Variants in NREP observed in about 807,000 individuals in gnomAD.
NREP encodes the protein neuronal regeneration-related protein.
NREP carries 5 observed loss-of-function variants against 8.6 expected under a neutral mutation model. The observed-to-expected ratio is 0.58, with a 90% CI of 0.30 to 1.22. NREP has a LOEUF of 1.22. Among genes scored for constraint, NREP ranks in the 50% most tolerant of loss-of-function variants. NREP has a pLI of 0.07. For missense variants in NREP, 86 were observed against 82.5 expected, an observed-to-expected ratio of 1.04 and a Z score of -0.17; for synonymous variants, 27 against 28.0, an observed-to-expected ratio of 0.96 and a Z score of 0.11.
chr5:111,748,134 A>G (rs1290647047), intron 2 of NREP, among the ~76,000 whole-genome samples: 1 of 152,026 alleles, frequency 6.6e-6, no homozygotes, highest in South Asian at 2.1e-4. Flanking sequence ...GACCATACCA[A>G]CCTAGCTTTC....
intron 2 of NREP, among the ~76,000 whole-genome samples, chr5:111,930,362 T>C (rs1581228316): frequency 6.6e-6 from 1 of 152,162 alleles, no homozygotes; most frequent in Non-Finnish European, 1.5e-5. Context: ...CTCAAAGATA[T>C]AATGGTTTCT....
chr5:111,810,910 C>T (rs1719134046), intron 2 of NREP, among the ~76,000 whole-genome samples: 1 of 152,124 alleles, frequency 6.6e-6, no homozygotes, highest in Non-Finnish European at 1.5e-5. Context: ...ACAAGTACTA[C>T]ATACTTATTC....
intron 2 of NREP, among the ~76,000 whole-genome samples, chr5:111,746,006 T>G (rs1031461700): frequency 6.6e-6 from 1 of 152,166 alleles, no homozygotes; most frequent in Non-Finnish European, 1.5e-5. Context: ...GATCCTCATA[T>G]TGCAGGTAGA....
intron 2 of NREP, among the ~76,000 whole-genome samples, chr5:111,811,503 A>G (rs895891666): frequency 6.6e-6 from 1 of 152,102 alleles, no homozygotes; most frequent in Non-Finnish European, 1.5e-5. Context: ...TACACACTCA[A>G]AATATAACAC....
intron 1 of NREP, chr5:111,756,338 G>GA (rs1750710345): frequency 2.0e-6 from 1 of 504,282 alleles, no homozygotes; most frequent in African/African-American, 2.2e-5. Flanking sequence ...GGGGTGGGGG[G>GA]AGTCAGGAAT....
chr5:111,955,813 C>T (rs1252075485), intron 2 of NREP, among the ~76,000 whole-genome samples: 1 of 150,130 alleles, frequency 6.7e-6, no homozygotes, highest in African/African-American at 2.5e-5. Context: ...AGAGGCAGAG[C>T]ATGGGAGTAG....
At chr5:111,870,592 T>C (rs575676450) in intron 2 of NREP, among the ~76,000 whole-genome samples, 96 of 152,278 alleles carry the variant, frequency 6.3e-4, no homozygotes, top group African/African-American at 2.2e-3. Context: ...AAATTATGGA[T>C]TGTATGCCAA....
At chr5:111,869,175 G>T (rs1753732345) in intron 2 of NREP, among the ~76,000 whole-genome samples, 1 of 152,152 alleles carries the variant, frequency 6.6e-6, no homozygotes, top group South Asian at 2.1e-4. Context: ...TACAGATATA[G>T]AAGTAGATAT....
chr5:111,888,612 GC>G (rs1014598811), intron 2 of NREP, among the ~76,000 whole-genome samples: 6 of 152,130 alleles, frequency 3.9e-5, no homozygotes, highest in African/African-American at 1.4e-4. Context: ...GGGACATAGA[GC>G]CAAACCATAC....
intron 2 of NREP, among the ~76,000 whole-genome samples, chr5:111,861,555 T>C (rs142156261): frequency 5.3e-5 from 8 of 152,296 alleles, no homozygotes; most frequent in African/African-American, 1.7e-4. Context: ...TCATATTTGA[T>C]AGCAGAAGGA....
At chr5:111,803,800 A>G (rs1360301893) in intron 2 of NREP, among the ~76,000 whole-genome samples, 1 of 152,202 alleles carries the variant, frequency 6.6e-6, no homozygotes, top group Non-Finnish European at 1.5e-5. Flanking sequence ...GTGGGAGATA[A>G]AAATTATGCA....
At chr5:111,731,345 C>T (rs1428253525) in intron 3 of NREP, among the ~76,000 whole-genome samples, 3 of 148,182 alleles carry the variant, frequency 2.0e-5, no homozygotes, top group African/African-American at 7.5e-5. Context: ...TGTCAGGTTT[C>T]TTGGGACAGT....
chr5:111,891,409 A>G (rs1183843868), intron 2 of NREP, among the ~76,000 whole-genome samples: 1 of 152,148 alleles, frequency 6.6e-6, no homozygotes, highest in Non-Finnish European at 1.5e-5. Context: ...ATGTTCCCTC[A>G]TCTGCCTGTC....
upstream of NREP, chr5:111,757,322 G>A (rs1257423065): frequency 1.5e-5 from 12 of 807,608 alleles, no homozygotes; most frequent in Non-Finnish European, 1.8e-5. Flanking sequence ...ACCCAAACCG[G>A]CTTCACTTCC....
intron 2 of NREP, among the ~76,000 whole-genome samples, chr5:111,746,234 TATC>T (rs1044359817): frequency 9.2e-4 from 140 of 151,810 alleles, no homozygotes; most frequent in African/African-American, 2.9e-3. Context: ...AAAAAGTGGT[TATC>T]ATTTTTTTTT....
chr5:111,884,780 C>T (rs191664399), intron 2 of NREP, among the ~76,000 whole-genome samples: 5 of 151,972 alleles, frequency 3.3e-5, no homozygotes, highest in East Asian at 3.9e-4. Context: ...AACAATGCTT[C>T]GTGCTAAAAA....
At chr5:111,784,593 A>G (rs1278882495) in intron 2 of NREP, among the ~76,000 whole-genome samples, 1 of 152,176 alleles carries the variant, frequency 6.6e-6, no homozygotes, top group African/African-American at 2.4e-5. Flanking sequence ...AGCATGGCCA[A>G]AGATGTTGAA....
At chr5:111,943,559 C>T (rs1380572878) in intron 2 of NREP, among the ~76,000 whole-genome samples, 2 of 152,076 alleles carry the variant, frequency 1.3e-5, no homozygotes, top group Admixed American at 1.3e-4. Context: ...TCCCACTGCA[C>T]TGCGAAGCCA....
At chr5:111,759,054 C>A (rs79840493), upstream of NREP, among the ~76,000 whole-genome samples, 669 of 152,310 alleles carry the variant, frequency 4.4e-3, 6 homozygotes, top group East Asian at 0.041. Flanking sequence ...TTCCCTTGAC[C>A]CTTTCAGGCC....
Sources: gnomAD v4.1 joint callset for allele counts (sites outside exome capture counted in the v4.1 genomes callset) on GRCh38, gnomAD v4.1.1 for gene constraint, MANE v1.5 for transcripts, NCBI Gene and HGNC (gene_info 2026-07-23, HGNC 2026-07-21) for gene names.